The following ANTXRL variants were observed in gnomAD, a reference collection of about 807,000 sequenced individuals.
The protein encoded by ANTXRL is ANTXR like, also known as anthrax toxin receptor-like.
Under a neutral mutation model 75.4 loss-of-function variants are expected in ANTXRL, and 63 were observed. The observed-to-expected ratio is 0.84, with a 90% CI of 0.68 to 1.03. The LOEUF is 1.03. Among genes scored for constraint, ANTXRL ranks in the 50% least tolerant of loss-of-function variants. The pLI is 0.00. For missense variants in ANTXRL, 797 were observed against 789.4 expected, an observed-to-expected ratio of 1.01 and a Z score of -0.12; for synonymous variants, 335 against 291.3, an observed-to-expected ratio of 1.15 and a Z score of -1.53.
intron 13 of ANTXRL, among the ~76,000 whole-genome samples, chr10:46,309,897 G>A (rs553362251): frequency 7.9e-5 from 12 of 152,244 alleles, no homozygotes; most frequent in African/African-American, 2.4e-4. Flanking sequence ...GATGGAGCCC[G>A]GGGCAGGGAA....
chr10:46,317,452 T>C (rs528607500), intron 16 of ANTXRL, among the ~76,000 whole-genome samples: 19 of 152,318 alleles, frequency 1.2e-4, no homozygotes, highest in African/African-American at 4.3e-4. Flanking sequence ...TGGAGCTTAA[T>C]GCAGACGGGC....
intron 9 of ANTXRL, among the ~76,000 whole-genome samples, chr10:46,302,293 G>A (rs1345431217): frequency 1.2e-4 from 19 of 152,284 alleles, no homozygotes; most frequent in African/African-American, 4.6e-4. Context: ...GTGCCCAGCT[G>A]AGGCATGAGA....
chr10:46,309,345 G>A (rs1164166941), intron 13 of ANTXRL, 143 bp downstream of exon 13: 144 of 1,451,508 alleles, frequency 9.9e-5, no homozygotes, highest in Admixed American at 2.7e-4. Context: ...CCAGGGAGTC[G>A]CAGACCTGTC....
At chr10:46,307,919 C>T (rs1380546694) in intron 12 of ANTXRL, among the ~76,000 whole-genome samples, 2 of 152,154 alleles carry the variant, frequency 1.3e-5, no homozygotes, top group African/African-American at 4.8e-5. Context: ...TCTGCTCCCT[C>T]GCCAAGCCCT....
intron 16 of ANTXRL, among the ~76,000 whole-genome samples, chr10:46,324,358 T>A (rs913356680): frequency 3.3e-5 from 5 of 152,202 alleles, no homozygotes; most frequent in Admixed American, 3.3e-4. Context: ...TCTATTACCA[T>A]GAACCACTTT....
chr10:46,293,812 A>G lies in ANTXRL; in HGVS notation c.321-17A>G. ...CCTGTGCCACTGGCTTCTCACCAGCACATGATTCCTTCACAGCCCAAATAT... is the reference window on the plus strand; with the variant it reads ...CCTGTGCCACTGGCTTCTCACCAGCGCATGATTCCTTCACAGCCCAAATAT... On this transcript the variant is annotated splice_polypyrimidine_tract_variant and intron_variant, in intron 2 of 16. Transcript: ENST00000620264. 6.5e-7 allele frequency: 1 copy of G among 1,534,942 alleles called. No homozygotes were observed. Among genetic ancestry groups the G allele is most frequent in the Non-Finnish European group, 8.7e-7 (1 of 1,146,040 alleles).
chr10:46,297,325 A>T lies in ANTXRL; in HGVS notation c.582A>T (p.Arg194Ser). The change falls in exon 6 of 17, where the codon AGA (arginine) becomes AGT (serine). Residue 194 changes from arginine (R) to serine (S), a missense_variant. Arg to Ser is a moderately radical substitution (Grantham distance 110). This residue lies in a region of ANTXRL where 262 missense variants were observed against 271.9 expected (regional missense o/e 0.96). Transcript: ENST00000620264. ...CACATGCATTTCAGGACACTCTCAG[A>T]GAAGTGAGTCCAGTTCATACTTACC... is the stretch of plus-strand genomic sequence containing the variant. Reference protein sequence around the residue: ...LVAHAFQDTLREAQKARKLGA... With the variant: ...LVAHAFQDTLSEAQKARKLGA... 1 of 1,536,384 alleles carries T rather than the reference A, an allele frequency of 6.5e-7. No individual in the cohort carries two copies. The highest frequency in any genetic ancestry group is 2.0e-5 in the Admixed American group (1 of 50,994).
rs112631070 is a variant in ANTXRL at position 46,306,098 on chromosome 10, T to C, written c.896-705T>C. On this transcript the variant is annotated intron_variant, in intron 10 of 16. Coordinates refer to ENST00000620264, the MANE Select transcript of ANTXRL (RefSeq NM_001278688.3). ...TTCCCTCCTTGACAAGGTCAGCGAG[T>C]CACTGCCCAGAGCATTGGCACATGC... 7.3e-3 allele frequency among the ~76,000 whole-genome samples: 1,106 copies of C among 152,256 alleles called. 17 individuals carry two copies. Among genetic ancestry groups the C allele is most frequent in the African/African-American group, 0.025 (1,047 of 41,524 alleles).
intron 2 of ANTXRL, 39 bp from the exon 3 acceptor site, chr10:46,293,790 G>C (rs1554957594): frequency 6.6e-7 from 1 of 1,521,436 alleles, no homozygotes; most frequent in Admixed American, 2.0e-5. Flanking sequence ...TTCTGAGCCT[G>C]TGCCACTGGC....
At position 46,297,922 on chromosome 10, in the gene ANTXRL, A is replaced by G. The variant is rs1554959422; in HGVS notation, c.735+11A>G. The G allele has an allele frequency of 6.5e-7, 1 of 1,535,760 alleles. No homozygotes were observed. Among genetic ancestry groups the G allele is most frequent in the Non-Finnish European group, 8.7e-7 (1 of 1,146,720 alleles). Reference sequence around the variant, plus strand: ...AGCACCATTGATGCCGTGAGTGGGCAGAGGTGAGGGGCTGGGGACCTGGAT... The same window carrying G: ...AGCACCATTGATGCCGTGAGTGGGCGGAGGTGAGGGGCTGGGGACCTGGAT... On this transcript the variant is annotated intron_variant, in intron 8 of 16. Transcript: ENST00000620264.
chr10:46,287,434 T>G lies in ANTXRL; in HGVS notation c.172T>G (p.Trp58Gly), dbSNP rs1344266068. 4.2e-5 allele frequency: 64 copies of G among 1,535,774 alleles called. No homozygotes were observed. The highest frequency in any genetic ancestry group is 5.6e-5 in the Non-Finnish European group (64 of 1,146,764). Residue 58 changes from tryptophan to glycine, a missense_variant, in exon 1 of 17, where the codon TGG (tryptophan) becomes GGG (glycine). Coordinates refer to ENST00000620264, the MANE Select transcript of ANTXRL (RefSeq NM_001278688.3). ...AGCCCACCACCACCATGGCCCAGGA[T>G]GGAGGCAGCACTGGCGCCAGGGGCA... ...RRAHHHHGPG[W>G]RQHWRQGQAG...
At chr10:46,297,384 T>C in intron 6 of ANTXRL, 22 bp from the exon 7 acceptor site, 2 of 1,536,112 alleles carry the variant, frequency 1.3e-6, no homozygotes, top group Non-Finnish European at 1.7e-6. Flanking sequence ...ATGACCAATA[T>C]GCAATGCCTT....
intron 16 of ANTXRL, among the ~76,000 whole-genome samples, chr10:46,323,770 T>G (rs1839087217): frequency 6.6e-6 from 1 of 152,148 alleles, no homozygotes; most frequent in African/African-American, 2.4e-5. Context: ...TAGTGTAGTT[T>G]GGAAGTCCTA....
At chr10:46,324,980 A>G (rs561167014) in intron 16 of ANTXRL, among the ~76,000 whole-genome samples, 122 of 152,108 alleles carry the variant, frequency 8.0e-4, no homozygotes, top group Non-Finnish European at 1.4e-3. Context: ...CTTGAACTTG[A>G]TTCGAAACCC....
intron 13 of ANTXRL, among the ~76,000 whole-genome samples, chr10:46,310,006 G>A (rs1838327925): frequency 6.6e-6 from 1 of 152,100 alleles, no homozygotes; most frequent in South Asian, 2.1e-4. Flanking sequence ...CTCAGCCCAG[G>A]GAACACACAG....
At chr10:46,307,127 G>A (rs1838142886) in intron 11 of ANTXRL, among the ~76,000 whole-genome samples, 1 of 152,118 alleles carries the variant, frequency 6.6e-6, no homozygotes, top group Non-Finnish European at 1.5e-5. Context: ...CTTTGCTCCA[G>A]GTTGCCTCTC....
At chr10:46,308,117 C>A (rs114015535) in intron 12 of ANTXRL, among the ~76,000 whole-genome samples, 3,916 of 152,236 alleles carry the variant, frequency 0.026, 166 homozygotes, top group African/African-American at 0.089. Context: ...GGGCGGGAGG[C>A]CTGAGCCCAC....
At position 46,329,631 on chromosome 10, in the gene ANTXRL, C is replaced by G. The variant is rs1554967106; in HGVS notation, c.1443C>G (p.Ser481=). 1.3e-6 allele frequency: 2 copies of G among 1,536,456 alleles called. No homozygotes were observed. The highest frequency in any genetic ancestry group is 4.9e-5 in the East Asian group (2 of 40,910). ...ACCTCAGCTTAGCCCTTGCACAGTC[C>G]CAATATGCACAGGCTCCCTGCTGCC... ...GRYLSLALAQ[S]QYAQAPCCPR... The change falls in exon 17 of 17, where the codon TCC becomes TCG. Residue 481 remains serine (S), a synonymous_variant. Transcript: ENST00000620264.
chr10:46,313,488 G>A (rs1838551728), intron 16 of ANTXRL, among the ~76,000 whole-genome samples, 172 bp downstream of exon 16: 1 of 152,176 alleles, frequency 6.6e-6, no homozygotes, highest in South Asian at 2.1e-4. Flanking sequence ...TCTGGACATG[G>A]CATCAAAGCT....
Sources: gnomAD v4.1 joint callset for allele counts (sites outside exome capture counted in the v4.1 genomes callset) on GRCh38, gnomAD v4.1.1 for gene constraint, gnomAD v4.1.1 regional missense constraint, MANE v1.5 for transcripts, NCBI Gene and HGNC (gene_info 2026-07-23, HGNC 2026-07-21) for gene names.